The following FILIP1L variants were observed in gnomAD, a reference collection of about 807,000 sequenced individuals.
FILIP1L encodes filamin A-interacting protein 1-like.
A neutral mutation model predicts 96.6 loss-of-function variants in FILIP1L; 55 were observed. The observed-to-expected ratio is 0.57, with a 90% CI of 0.46 to 0.71. The LOEUF (loss-of-function observed/expected upper bound fraction) is 0.71, where lower values mean the gene tolerates loss of function less well. Among genes scored for constraint, FILIP1L ranks in the 30% least tolerant of loss-of-function variants. The probability of loss-of-function intolerance (pLI) is 0.00; values close to 1 mark genes in which losing one functional copy is unlikely to be tolerated. For missense variants in FILIP1L, 1,304 were observed against 1,321.2 expected (o/e 0.99, Z 0.20); for synonymous variants, 467 against 473.9 (o/e 0.99, Z 0.19).
intron 1 of FILIP1L, among the ~76,000 whole-genome samples, chr3:100,091,680 G>A (rs1170091457): frequency 6.6e-6 from 1 of 152,172 alleles, no homozygotes; most frequent in African/African-American, 2.4e-5. Context: ...CCAAATTCCT[G>A]TTTCTGCCAT....
At chr3:99,922,193 G>A (rs1222934964) in intron 4 of FILIP1L, among the ~76,000 whole-genome samples, 2 of 152,224 alleles carry the variant, frequency 1.3e-5, no homozygotes, top group Non-Finnish European at 2.9e-5. Context: ...AAAGATGAAA[G>A]AAAGTGTCTG....
At chr3:99,972,542 TCTG>T (rs1708854799) in intron 1 of FILIP1L, among the ~76,000 whole-genome samples, 1 of 152,204 alleles carries the variant, frequency 6.6e-6, no homozygotes, top group African/African-American at 2.4e-5. Context: ...TCTAGTGCTG[TCTG>T]CTGCTGGGCA....
intron 4 of FILIP1L, among the ~76,000 whole-genome samples, chr3:99,889,976 T>C (rs1411929052): frequency 6.6e-6 from 1 of 152,084 alleles, no homozygotes; most frequent in Admixed American, 6.5e-5. Context: ...TTTAACACTT[T>C]CTTCGCCTCT....
chr3:99,916,273 T>G (rs991255563), intron 4 of FILIP1L, among the ~76,000 whole-genome samples: 1 of 152,040 alleles, frequency 6.6e-6, no homozygotes, highest in Admixed American at 6.6e-5. Context: ...CTCCTGATTC[T>G]TAGGGCTTTA....
At position 99,995,398 on chromosome 3, in the gene FILIP1L, G is replaced by A. The variant is rs1460566910; in HGVS notation, c.-10-64368C>T. Among the ~76,000 whole-genome samples, 7 of 152,182 alleles carry A rather than the reference G, an allele frequency of 4.6e-5. 1 individual carries two copies. The highest frequency in any genetic ancestry group is 3.2e-3 in the Middle Eastern group (1 of 316). On this transcript the variant is annotated intron_variant, in intron 1 of 5. Coordinates refer to ENST00000477258, the MANE Select transcript of FILIP1L (RefSeq NM_001387850.1). Reference sequence around the variant, plus strand: ...AGCTCAGCCCCTGTGGCTTTGCAGGGTACAGCCTCCCTCCCAGCTGCTTTC... The same window carrying A: ...AGCTCAGCCCCTGTGGCTTTGCAGGATACAGCCTCCCTCCCAGCTGCTTTC...
chr3:99,913,721 G>A (rs1706865465), intron 4 of FILIP1L, among the ~76,000 whole-genome samples: 1 of 152,166 alleles, frequency 6.6e-6, no homozygotes, highest in South Asian at 2.1e-4. Context: ...GGAAGTGAGA[G>A]CAGGGCTATG....
In FILIP1L at chr3:99,849,351, C is replaced by T; in HGVS notation, c.2325G>A (p.Arg775=). ...ENLTKELERY[R]HFSKSLRPSL... The stretch of plus-strand genomic sequence containing the variant: ...TAGGCCTGAGGCTCTTACTGAAATG[C>T]CGGTACCTCTCTAACTCCTTAGTGA... Residue 775 remains arginine, a synonymous_variant, in exon 5 of 6, where the codon CGG becomes CGA. Coordinates refer to ENST00000477258, the MANE Select transcript of FILIP1L (RefSeq NM_001387850.1). The T allele has an allele frequency of 6.2e-7, 1 of 1,614,102 alleles. No homozygotes were observed. The highest frequency in any genetic ancestry group is 8.5e-7 in the Non-Finnish European group (1 of 1,179,988).
At chr3:99,938,150 A>G (rs1335449696) in intron 1 of FILIP1L, among the ~76,000 whole-genome samples, 1 of 152,146 alleles carries the variant, frequency 6.6e-6, no homozygotes, top group East Asian at 1.9e-4. Flanking sequence ...CTTACTGGAA[A>G]TCTCCATTTA....
intron 4 of FILIP1L, among the ~76,000 whole-genome samples, chr3:99,881,795 A>G (rs941677529): frequency 2.6e-5 from 4 of 152,114 alleles, no homozygotes; most frequent in African/African-American, 9.7e-5. Context: ...GGCCTTCCAA[A>G]GTGCTGGGAT....
chr3:99,993,324 GT>G (rs1334185195), intron 1 of FILIP1L, among the ~76,000 whole-genome samples: 1 of 151,916 alleles, frequency 6.6e-6, no homozygotes, highest in African/African-American at 2.4e-5. Context: ...ACTTCTTTCA[GT>G]TTTGGAGCTT....
intron 1 of FILIP1L, among the ~76,000 whole-genome samples, chr3:100,080,903 G>T: frequency 6.6e-6 from 1 of 152,188 alleles, no homozygotes; most frequent in South Asian, 2.1e-4. Flanking sequence ...TTTGAAACCA[G>T]CCCATGGTTC....
chr3:100,105,713 G>A lies in FILIP1L; in HGVS notation c.-11+8340C>T, dbSNP rs72936561. ...TGAAAAACAACTGCTAGGTCAAGCT[G>A]ATGCAATCCCAGGAGACATTTCAGA... On this transcript the variant is annotated intron_variant, in intron 1 of 5. Transcript: ENST00000477258. Among the ~76,000 whole-genome samples, 703 of 152,272 alleles carry A rather than the reference G, an allele frequency of 4.6e-3. 7 individuals carry two copies. Among genetic ancestry groups the A allele is most frequent in the African/African-American group, 0.016 (674 of 41,550 alleles).
At chr3:99,982,478 C>CCT (rs1370142514) in intron 1 of FILIP1L, among the ~76,000 whole-genome samples, 2 of 152,022 alleles carry the variant, frequency 1.3e-5, no homozygotes, top group Admixed American at 1.3e-4. Context: ...ATGGCTGGGA[C>CCT]TACAGGCACA....
chr3:99,916,979 T>C (rs1415596613), intron 4 of FILIP1L, among the ~76,000 whole-genome samples: 1 of 152,232 alleles, frequency 6.6e-6, no homozygotes, highest in East Asian at 1.9e-4. Context: ...TTTTCACTTA[T>C]GAGGCAAAAA....
At chr3:100,035,853 T>C (rs905679091) in intron 1 of FILIP1L, among the ~76,000 whole-genome samples, 53 of 152,208 alleles carry the variant, frequency 3.5e-4, no homozygotes, top group Non-Finnish European at 7.2e-4. Context: ...TCCCCCACAT[T>C]GGATTCTTTG....
In FILIP1L at chr3:99,924,256, T is replaced by C. The variant is rs1707216253; in HGVS notation, c.579A>G (p.Ile193Met). 1 of 1,614,046 alleles carries C rather than the reference T, an allele frequency of 6.2e-7. No homozygotes were observed. The change falls in exon 4 of 6, where the codon ATA becomes ATG. Residue 193 changes from isoleucine to methionine, a missense_variant. Coordinates refer to ENST00000477258, the MANE Select transcript of FILIP1L (RefSeq NM_001387850.1). Reference protein sequence around the residue: ...KEYMEKSDEFICLLEQECERL... With the variant: ...KEYMEKSDEFMCLLEQECERL... The stretch of plus-strand genomic sequence containing the variant: ...TTTCACATTCCTGTTCTAGTAGGCA[T>C]ATGAATTCATCACTCTTCTCCATGT...
chr3:100,080,720 T>C (rs1376155853), intron 1 of FILIP1L, among the ~76,000 whole-genome samples: 1 of 152,222 alleles, frequency 6.6e-6, no homozygotes, highest in Admixed American at 6.5e-5. Context: ...CATTTCTTGG[T>C]CATATCAGCT....
intron 1 of FILIP1L, among the ~76,000 whole-genome samples, chr3:100,074,225 C>G (rs889150295): frequency 1.6e-4 from 24 of 152,214 alleles, no homozygotes; most frequent in African/African-American, 5.5e-4. Context: ...TGACAGCCCC[C>G]CTGGGCCTCC....
intron 1 of FILIP1L, among the ~76,000 whole-genome samples, chr3:100,036,549 A>C (rs2065111293): frequency 6.6e-6 from 1 of 152,252 alleles, no homozygotes; most frequent in South Asian, 2.1e-4. Context: ...GTAAGAAAGA[A>C]AAGTTATTCT....
Sources: gnomAD v4.1 joint callset for allele counts (sites outside exome capture counted in the v4.1 genomes callset) on GRCh38, gnomAD v4.1.1 for gene constraint, MANE v1.5 for transcripts, NCBI Gene and HGNC (gene_info 2026-07-23, HGNC 2026-07-21) for gene names.